The following SCCPDH variants were observed in gnomAD, a reference collection of about 807,000 sequenced individuals.
SCCPDH encodes saccharopine dehydrogenase-like oxidoreductase.
A neutral mutation model predicts 51.5 loss-of-function variants in SCCPDH; 34 were observed. The ratio of observed to expected loss-of-function variants is 0.66; its 90% CI spans 0.50 to 0.88. The LOEUF is 0.88. Among genes scored for constraint, SCCPDH ranks in the 40% least tolerant of loss-of-function variants. The pLI, the probability that SCCPDH is intolerant of heterozygous loss-of-function variation, is 0.00. For missense variants in SCCPDH, 464 were observed against 527.1 expected (o/e 0.88, Z 1.17); for synonymous variants, 187 against 191.3 (o/e 0.98, Z 0.19).
At chr1:246,731,017 GC>G (rs1245717668) in intron 2 of SCCPDH, among the ~76,000 whole-genome samples, 1 of 152,138 alleles carries the variant, frequency 6.6e-6, no homozygotes, top group Non-Finnish European at 1.5e-5. Flanking sequence ...CTGAGATTGC[GC>G]CATTGTATTC....
intron 5 of SCCPDH, among the ~76,000 whole-genome samples, chr1:246,747,130 C>CT (rs1227135641): frequency 6.6e-6 from 1 of 152,122 alleles, no homozygotes; most frequent in South Asian, 2.1e-4. Flanking sequence ...TGTCCGAACT[C>CT]TTTTTTTCCC....
intron 9 of SCCPDH, 133 bp from the exon 10 acceptor site, chr1:246,764,113 G>A (rs1669056412): frequency 1.8e-6 from 1 of 566,984 alleles, no homozygotes; most frequent in Admixed American, 3.4e-5. Flanking sequence ...AATGATGACG[G>A]GATATTCTGG....
At chr1:246,724,963 G>A (rs1483892547) in intron 1 of SCCPDH, among the ~76,000 whole-genome samples, 1 of 152,134 alleles carries the variant, frequency 6.6e-6, no homozygotes, top group Admixed American at 6.5e-5. Context: ...CGCAGCGGGG[G>A]CACCTGTTGA....
chr1:246,767,086 T>C, intron 11 of SCCPDH, 109 bp from the exon 12 acceptor site: 3 of 625,742 alleles, frequency 4.8e-6, no homozygotes, highest in African/African-American at 1.9e-5. Flanking sequence ...GTGATTACCA[T>C]GAAGACTTGG....
At chr1:246,746,825 A>G (rs764222093) in intron 5 of SCCPDH, among the ~76,000 whole-genome samples, 3 of 152,230 alleles carry the variant, frequency 2.0e-5, no homozygotes, top group Non-Finnish European at 4.4e-5. Context: ...TGGGTAACAG[A>G]GCAAGAGACT....
At chr1:246,752,993 CTCTG>C (rs1558172519) in intron 5 of SCCPDH, among the ~76,000 whole-genome samples, 1 of 151,920 alleles carries the variant, frequency 6.6e-6, no homozygotes, top group Non-Finnish European at 1.5e-5. Context: ...CTCTCCGCCT[CTCTG>C]TCTCTTTCTC....
chr1:246,763,650 T>TC (rs959517365), intron 9 of SCCPDH, among the ~76,000 whole-genome samples: 6 of 151,838 alleles, frequency 4.0e-5, no homozygotes, highest in Non-Finnish European at 8.8e-5. Flanking sequence ...TATCTCTCTC[T>TC]CCCCCCCTTT....
chr1:246,745,953 A>AG (rs1249077074), intron 5 of SCCPDH, among the ~76,000 whole-genome samples: 1 of 151,754 alleles, frequency 6.6e-6, no homozygotes, highest in Non-Finnish European at 1.5e-5. Context: ...CTAAAAATAC[A>AG]AAAAATTAGC....
At chr1:246,760,931 T>C (rs1277662145) in intron 9 of SCCPDH, among the ~76,000 whole-genome samples, 1 of 152,220 alleles carries the variant, frequency 6.6e-6, no homozygotes, top group Non-Finnish European at 1.5e-5. Flanking sequence ...CAACTGCAGC[T>C]GTCTTCCCTA....
chr1:246,748,691 A>C (rs1668806418), intron 5 of SCCPDH, among the ~76,000 whole-genome samples: 1 of 152,206 alleles, frequency 6.6e-6, no homozygotes, highest in African/African-American at 2.4e-5. Context: ...ATTTAAATTC[A>C]TCTGGTTCTC....
At position 246,767,211 on chromosome 1, in the gene SCCPDH, C is replaced by T; in HGVS notation, c.1201C>T (p.Pro401Ser). Residue 401 changes from proline to serine, a missense_variant, in exon 12 of 12, where the codon CCT becomes TCT. Transcript: ENST00000366510. ...HLPKAGGVFT[P>S]GAAFSKTKLI... ...GTTTTATAGGGGCGGGGTCTTCACA[C>T]CTGGAGCAGCTTTTTCCAAAACAAA... 3 of 1,610,086 alleles carry T rather than the reference C, an allele frequency of 1.9e-6. No homozygotes were observed. The highest frequency in any genetic ancestry group is 2.5e-6 in the Non-Finnish European group (3 of 1,177,768).
chr1:246,738,621 G>A (rs532529073), intron 3 of SCCPDH, among the ~76,000 whole-genome samples: 3 of 151,978 alleles, frequency 2.0e-5, no homozygotes, highest in East Asian at 1.9e-4. Context: ...TTGGGAGGCC[G>A]AGGCACGTGG....
chr1:246,729,355 C>G (rs1316920853), intron 2 of SCCPDH, among the ~76,000 whole-genome samples: 1 of 144,514 alleles, frequency 6.9e-6, no homozygotes, highest in Admixed American at 6.9e-5. Flanking sequence ...GTATTTCATC[C>G]CTTATCTTCA....
At chr1:246,730,130 A>G (rs987351250) in intron 2 of SCCPDH, among the ~76,000 whole-genome samples, 5 of 151,874 alleles carry the variant, frequency 3.3e-5, no homozygotes, top group African/African-American at 1.2e-4. Flanking sequence ...AATTCTCATG[A>G]CTCACTATCT....
At chr1:246,747,130 C>T (rs1248986593) in intron 5 of SCCPDH, among the ~76,000 whole-genome samples, 1 of 152,122 alleles carries the variant, frequency 6.6e-6, no homozygotes, top group East Asian at 1.9e-4. Flanking sequence ...TGTCCGAACT[C>T]TTTTTTTCCC....
intron 10 of SCCPDH, 94 bp downstream of exon 10, chr1:246,764,451 T>G: frequency 1.7e-6 from 1 of 602,906 alleles, no homozygotes; most frequent in Non-Finnish European, 2.8e-6. Context: ...TAAAGCTTAA[T>G]TGTTTTAGAA....
At chr1:246,754,632 T>A (rs1277233187) in intron 5 of SCCPDH, among the ~76,000 whole-genome samples, 2 of 152,190 alleles carry the variant, frequency 1.3e-5, no homozygotes, top group Non-Finnish European at 2.9e-5. Flanking sequence ...TTCCTGTCCC[T>A]TTTAAGGGCT....
chr1:246,752,635 G>C (rs992441620), intron 5 of SCCPDH, among the ~76,000 whole-genome samples: 1 of 151,748 alleles, frequency 6.6e-6, no homozygotes, highest in South Asian at 2.1e-4. Context: ...AATTTAACAC[G>C]AATCGGAGGA....
intron 3 of SCCPDH, among the ~76,000 whole-genome samples, chr1:246,736,535 A>G (rs1320057287): frequency 6.6e-6 from 1 of 151,948 alleles, no homozygotes; most frequent in Non-Finnish European, 1.5e-5. Context: ...CCCCATGTCT[A>G]CTAAAAATAC....
Sources: gnomAD v4.1 joint callset for allele counts (sites outside exome capture counted in the v4.1 genomes callset) on GRCh38, gnomAD v4.1.1 for gene constraint, MANE v1.5 for transcripts, NCBI Gene and HGNC (gene_info 2026-07-23, HGNC 2026-07-21) for gene names.